KLHL29: variants seen among roughly 807,000 people sequenced by gnomAD.
KLHL29 encodes the protein kelch like family member 29, also known as kelch-like protein 29.
KLHL29 carries 21 observed loss-of-function variants against 80.4 expected under a neutral mutation model. That is an observed-to-expected ratio of 0.26 (90% CI 0.19 to 0.38). KLHL29 has a LOEUF of 0.38. KLHL29 is among the 10% of genes least tolerant of loss of function. The pLI, the probability that KLHL29 is intolerant of heterozygous loss-of-function variation, is 1.00. For missense variants in KLHL29, 867 were observed against 1,223.9 expected, an observed-to-expected ratio of 0.71 and a Z score of 4.35; for synonymous variants, 511 against 526.8, an observed-to-expected ratio of 0.97 and a Z score of 0.41.
chr2:23,482,837 A>G (rs1413927335), intron 2 of KLHL29, among the ~76,000 whole-genome samples: 1 of 18,950 alleles, frequency 5.3e-5, no homozygotes, highest in Non-Finnish European at 1.2e-4. Flanking sequence ...TCATTCATTC[A>G]TTCATTCATT....
chr2:23,398,401 C>T (rs1666506884), intron 1 of KLHL29, among the ~76,000 whole-genome samples: 1 of 152,186 alleles, frequency 6.6e-6, no homozygotes. Context: ...TATGAGGTAC[C>T]TAGAGTAGTA....
At chr2:23,409,457 C>T (rs935231311) in intron 1 of KLHL29, among the ~76,000 whole-genome samples, 4 of 152,192 alleles carry the variant, frequency 2.6e-5, no homozygotes, top group African/African-American at 7.2e-5. Flanking sequence ...GCGTTTCCTC[C>T]GTTGGACGAA....
intron 5 of KLHL29, among the ~76,000 whole-genome samples, chr2:23,662,267 G>A (rs756793063): frequency 3.1e-4 from 47 of 152,268 alleles, no homozygotes; most frequent in South Asian, 1.0e-3. Context: ...ACATCGTCTC[G>A]TCTAGATATT....
chr2:23,516,660 T>C (rs13022418), intron 2 of KLHL29, among the ~76,000 whole-genome samples: 24,575 of 152,166 alleles, frequency 0.16, 2,677 homozygotes, highest in East Asian at 0.56. Flanking sequence ...ACAGCTGACT[T>C]CTTGGCAGAC....
chr2:23,525,972 G>C (rs1666302537), intron 2 of KLHL29, among the ~76,000 whole-genome samples: 1 of 152,212 alleles, frequency 6.6e-6, no homozygotes, highest in African/African-American at 2.4e-5. Context: ...GCCATGGCAA[G>C]TCACGTCCCT....
chr2:23,481,885 G>A (rs1664807086), intron 2 of KLHL29, among the ~76,000 whole-genome samples: 1 of 150,476 alleles, frequency 6.6e-6, no homozygotes, highest in South Asian at 2.1e-4. Context: ...CCACTGCACT[G>A]CAATCTGGGT....
At chr2:23,546,864 G>A (rs909581530) in intron 2 of KLHL29, among the ~76,000 whole-genome samples, 6 of 152,270 alleles carry the variant, frequency 3.9e-5, no homozygotes, top group South Asian at 2.1e-4. Flanking sequence ...AGTGGAGAGC[G>A]AGGGTTGTGC....
At chr2:23,659,286 C>CA (rs1415376284) in intron 5 of KLHL29, among the ~76,000 whole-genome samples, 1 of 152,224 alleles carries the variant, frequency 6.6e-6, no homozygotes, top group African/African-American at 2.4e-5. Context: ...TCCAGACACT[C>CA]TTCTAGCATG....
chr2:23,560,370 A>C (rs1667419399), intron 2 of KLHL29, among the ~76,000 whole-genome samples: 1 of 142,342 alleles, frequency 7.0e-6, no homozygotes. Context: ...TCCCAAGTTC[A>C]AGTGATTCTC....
rs368032647 is a variant in KLHL29, at chr2:23,404,374, TAAGTTAGACACGCCG to T, written c.-154+18599_-154+18613del. On this transcript the variant is annotated intron_variant, in intron 1 of 13. Transcript: ENST00000486442. The stretch of plus-strand genomic sequence containing the variant: ...TTAAGATAATCAGAACTTGCATTGC[TAAGTTAGACACGCCG>T]AAGTGAATTGAGGACTGTTTAATGG... Among the ~76,000 whole-genome samples the T allele has an allele frequency of 4.8e-3, 732 of 152,336 alleles. 11 individuals are homozygous for T. The highest frequency in any genetic ancestry group is 0.017 in the African/African-American group (693 of 41,580).
Position 23,691,717 on chromosome 2 carries a change from C to T in KLHL29, c.1123C>T (p.Leu375Phe). The change falls in exon 7 of 14, where the codon CTC becomes TTC. Residue 375 changes from leucine to phenylalanine, a missense_variant. Leu to Phe is a conservative substitution (Grantham distance 22). Transcript: ENST00000486442. ...SGQGGREKLELVLSNLQADVL... is the reference protein window; with the variant it reads ...SGQGGREKLEFVLSNLQADVL... ...CCAGGGCGGCCGGGAGAAGCTGGAG[C>T]TCGTCCTGTCGAACCTGCAGGCAGA... The T allele has an allele frequency of 1.3e-6, 2 of 1,551,810 alleles. No individual in the cohort carries two copies. The highest frequency in any genetic ancestry group is 1.2e-5 in the South Asian group (1 of 84,068).
chr2:23,642,599 C>T lies in KLHL29; in HGVS notation c.689C>T (p.Pro230Leu), dbSNP rs1328027772. 6.5e-7 allele frequency: 1 copy of T among 1,550,072 alleles called. No homozygotes were observed. The highest frequency in any genetic ancestry group is 8.7e-7 in the Non-Finnish European group (1 of 1,146,634). ...NMPAQALYAS[P>L]QPLAVSTLPG... ...CCTGCCCAGGCCCTGTATGCCAGCCCTCAGCCCCTGGCCGTGTCCACACTG... is the reference window on the plus strand; with the variant it reads ...CCTGCCCAGGCCCTGTATGCCAGCCTTCAGCCCCTGGCCGTGTCCACACTG... Residue 230 changes from proline to leucine, a missense_variant, in exon 5 of 14, where the codon CCT becomes CTT. Around this residue, in one of 2 missense-constraint regions of KLHL29, gnomAD observed 424 missense variants for 456.9 expected, o/e 0.93. Coordinates refer to ENST00000486442, the MANE Select transcript of KLHL29 (RefSeq NM_052920.2).
chr2:23,505,974 A>T (rs59490290), intron 2 of KLHL29, among the ~76,000 whole-genome samples: 14 of 152,252 alleles, frequency 9.2e-5, no homozygotes, highest in African/African-American at 3.4e-4. Context: ...AGCCAGGCTA[A>T]TTAGGTCAGC....
chr2:23,604,714 G>A (rs865855507), intron 3 of KLHL29, among the ~76,000 whole-genome samples: 2 of 152,310 alleles, frequency 1.3e-5, no homozygotes, highest in African/African-American at 4.8e-5. Flanking sequence ...TGAGCAAGAG[G>A]CAGGGTGAAG....
At chr2:23,585,033 G>T (rs1277442464) in intron 3 of KLHL29, among the ~76,000 whole-genome samples, 1 of 152,208 alleles carries the variant, frequency 6.6e-6, no homozygotes, top group Non-Finnish European at 1.5e-5. Flanking sequence ...ACCACCGCCA[G>T]CCTACTCAGT....
At position 23,707,239 on chromosome 2, in the gene KLHL29, G is replaced by T. The variant is rs1672786912; in HGVS notation, c.*575G>T. 1 of 152,290 alleles carries T rather than the reference G, an allele frequency of 6.6e-6. No homozygotes were observed. Among genetic ancestry groups the T allele is most frequent in the African/African-American group, 2.4e-5 (1 of 41,468 alleles). 9.4% of individuals were successfully genotyped at this position (152,290 alleles called of 1,614,324 possible). A position where few individuals can be genotyped will look rare whatever the true frequency, so the allele number is the denominator to read the frequency against. On this transcript the variant is annotated 3_prime_UTR_variant, in exon 14 of 14. Transcript: ENST00000486442. ...AGCTGCCCACGCGGAGCCAGGGGTG[G>T]CAGCTGTGGGACAGCCGGGGAGCAG...
At chr2:23,409,439 G>T (rs1051579278) in intron 1 of KLHL29, among the ~76,000 whole-genome samples, 1 of 152,212 alleles carries the variant, frequency 6.6e-6, no homozygotes, top group Non-Finnish European at 1.5e-5. Context: ...TGAATGTTCT[G>T]ATGGTGTGCG....
chr2:23,631,591 G>A lies in KLHL29; in HGVS notation c.286-7548G>A, dbSNP rs571105028. ...CCAGGGGGCCAGAGAGGGCAGCCTC[G>A]TTAATGAGGGCAGGTGGGGCTTGGG... On this transcript the variant is annotated intron_variant, in intron 3 of 13. Transcript: ENST00000486442. Among the ~76,000 whole-genome samples the A allele has an allele frequency of 3.3e-4, 50 of 152,342 alleles. No individual in the cohort carries two copies. The South Asian group carries it at 3.9e-3, about 12-fold the overall frequency.
At chr2:23,533,111 G>A (rs1666551158) in intron 2 of KLHL29, among the ~76,000 whole-genome samples, 1 of 152,136 alleles carries the variant, frequency 6.6e-6, no homozygotes, top group Non-Finnish European at 1.5e-5. Context: ...AGTTTTTCCT[G>A]AGCACGTAAA....
Sources: gnomAD v4.1 joint callset for allele counts (sites outside exome capture counted in the v4.1 genomes callset) on GRCh38, gnomAD v4.1.1 for gene constraint, gnomAD v4.1.1 regional missense constraint, MANE v1.5 for transcripts, NCBI Gene and HGNC (gene_info 2026-07-23, HGNC 2026-07-21) for gene names.